Variants in CHI3L2 observed in about 807,000 individuals in gnomAD.
CHI3L2 encodes the protein chitinase 3 like 2.
CHI3L2 carries 47 observed loss-of-function variants against 47.3 expected under a neutral mutation model. That is an observed-to-expected ratio of 0.99 (90% CI 0.79 to 1.27). The LOEUF (loss-of-function observed/expected upper bound fraction) is 1.27. Ranked by LOEUF, CHI3L2 falls within the 50% of genes most tolerant of loss-of-function variation. The pLI is 0.00. For missense variants in CHI3L2, 497 were observed against 462.1 expected (o/e 1.08, Z -0.69); for synonymous variants, 198 against 169.9 (o/e 1.17, Z -1.28).
chr1:111,236,030 G>A lies in CHI3L2; in HGVS notation c.612G>A (p.Leu204=), dbSNP rs765588007. The part of the protein sequence containing the change: ...SYQVEKLAKD[L]DFINLLSFDF... ...ATTGCTTTTGGCACTTTAGAGATCT[G>A]GATTTCATCAACCTCCTGTCCTTTG... The change falls in exon 7 of 11, where the codon CTG becomes CTA. Residue 204 remains leucine, a synonymous_variant. Coordinates refer to ENST00000369748, the MANE Select transcript of CHI3L2 (RefSeq NM_004000.3). The A allele has an allele frequency of 3.1e-6, 5 of 1,613,998 alleles. No individual in the cohort carries two copies. In the African/African-American group the frequency reaches 6.7e-5, roughly 22 times the overall value.
At chr1:111,237,566 A>C (rs1659921070) in intron 7 of CHI3L2, among the ~76,000 whole-genome samples, 2 of 152,202 alleles carry the variant, frequency 1.3e-5, no homozygotes, top group Non-Finnish European at 2.9e-5. Flanking sequence ...CATGTGGCTA[A>C]GTCACATCAG....
chr1:111,227,710 A>T (rs1224766810), upstream of CHI3L2: 20 of 1,613,902 alleles, frequency 1.2e-5, no homozygotes, highest in Non-Finnish European at 1.7e-5. Context: ...TGTGTATCCC[A>T]GAAGAAGCTG....
Position 111,243,230 on chromosome 1 carries a change from A to G in CHI3L2, c.*16A>G. 1 of 456,062 alleles carries G rather than the reference A, an allele frequency of 2.2e-6. No individual in the cohort carries two copies. Among genetic ancestry groups the G allele is most frequent in the Non-Finnish European group, 4.4e-6 (1 of 226,794 alleles). 28.3% of individuals were successfully genotyped at this position (456,062 alleles called of 1,614,324 possible). A position where few individuals can be genotyped will look rare whatever the true frequency, so the allele number is the denominator to read the frequency against. On this transcript the variant is annotated 3_prime_UTR_variant, in exon 11 of 11. Transcript: ENST00000369748. Reference sequence around the variant, plus strand: ...TTTTGTTTCCAGGATTAACTTACAGAGAAGCAGGCAAGATGACCTTGCTGC... The same window carrying G: ...TTTTGTTTCCAGGATTAACTTACAGGGAAGCAGGCAAGATGACCTTGCTGC...
chr1:111,242,522 C>A (rs902766360), intron 10 of CHI3L2, 156 bp downstream of exon 10: 13 of 650,982 alleles, frequency 2.0e-5, no homozygotes, highest in Non-Finnish European at 2.8e-5. Context: ...CTGGTTCTGC[C>A]CTTTTCATAG....
In CHI3L2 at chr1:111,232,942, A is replaced by G. The variant is rs577955032; in HGVS notation, c.329+1648A>G. 2.0e-5 allele frequency among the ~76,000 whole-genome samples: 3 copies of G among 152,348 alleles called. No homozygotes were observed. The East Asian group carries it at 5.8e-4, about 29-fold the overall frequency. ...TCTTGCTATCTCTTCAACTTCAAAG[A>G]TGAGATACATGCAGGAATCAAAATC... On this transcript the variant is annotated intron_variant, in intron 4 of 10. Transcript: ENST00000369748.
intron 4 of CHI3L2, among the ~76,000 whole-genome samples, chr1:111,233,779 A>G (rs1278943598): frequency 6.6e-6 from 1 of 151,912 alleles, no homozygotes; most frequent in African/African-American, 2.4e-5. Context: ...AGATTGAGAA[A>G]TCGGATGGTT....
At chr1:111,231,500 A>G (rs112519536) in intron 4 of CHI3L2, 2 of 505,170 alleles carry the variant, frequency 4.0e-6, no homozygotes, top group Admixed American at 3.7e-5. Flanking sequence ...GGAGCTTAAT[A>G]CAAGCCCAGA....
intron 5 of CHI3L2, among the ~76,000 whole-genome samples, 199 bp downstream of exon 5, chr1:111,235,256 C>T (rs536771436): frequency 2.6e-5 from 4 of 152,300 alleles, no homozygotes; most frequent in African/African-American, 9.6e-5. Context: ...AACAGTGGAG[C>T]CCCCTTGCAC....
intron 7 of CHI3L2, 82 bp downstream of exon 7, chr1:111,236,235 G>A (rs185202010): frequency 2.1e-6 from 3 of 1,454,068 alleles, no homozygotes; most frequent in Non-Finnish European, 2.8e-6. Context: ...AGTTACTTCT[G>A]TCTTGAACTG....
chr1:111,234,910 C>T lies in CHI3L2; in HGVS notation c.333C>T (p.Phe111=). The T allele has an allele frequency of 6.2e-7, 1 of 1,613,896 alleles. No individual in the cohort carries two copies. The highest frequency in any genetic ancestry group is 8.5e-7 in the Non-Finnish European group (1 of 1,179,870). The change falls in exon 5 of 11, where the codon TTC becomes TTT. Residue 111 remains phenylalanine (F), a synonymous_variant. Coordinates refer to ENST00000369748, the MANE Select transcript of CHI3L2 (RefSeq NM_004000.3). ...IGGYLFGSKG[F]HPMVDSSTSR... ...CACTCGTATTGCTTCTTTCCAGGTT[C>T]CACCCTATGGTGGATTCTTCTACAT...
chr1:111,238,220 T>A (rs1036317525), intron 7 of CHI3L2, among the ~76,000 whole-genome samples: 7 of 152,372 alleles, frequency 4.6e-5, no homozygotes, highest in African/African-American at 1.7e-4. Flanking sequence ...TGGGCACATG[T>A]CCTCAGGATC....
chr1:111,234,551 C>G lies in CHI3L2; in HGVS notation c.330-356C>G, dbSNP rs557432215. On this transcript the variant is annotated intron_variant, in intron 4 of 10. Coordinates refer to ENST00000369748, the MANE Select transcript of CHI3L2 (RefSeq NM_004000.3). ...CTAAACTGACCTAGCAGGACTTTTT[C>G]TGGAATCGGACACTGCAAAGACAGA... Among the ~76,000 whole-genome samples the G allele has an allele frequency of 1.4e-3, 211 of 152,254 alleles. 4 individuals are homozygous for G. The highest frequency in any genetic ancestry group is 0.014 in the Admixed American group (209 of 15,300).
intron 9 of CHI3L2, among the ~76,000 whole-genome samples, chr1:111,241,826 G>A (rs899740534): frequency 6.6e-6 from 1 of 152,196 alleles, no homozygotes; most frequent in African/African-American, 2.4e-5. Context: ...CTAGCTAGGA[G>A]GCTCCAGATT....
In CHI3L2 at chr1:111,235,624, C is replaced by A. The variant is rs760935427; in HGVS notation, c.481-15C>A. 6.2e-7 allele frequency: 1 copy of A among 1,611,396 alleles called. No individual in the cohort carries two copies. Among genetic ancestry groups the A allele is most frequent in the Non-Finnish European group, 8.5e-7 (1 of 1,178,954 alleles). ...GGAAGGGGAATATTGCACCTCGTTT[C>A]TTTGTTTTTCCTAGGAGTTAGCAGA... On this transcript the variant is annotated splice_polypyrimidine_tract_variant and intron_variant, in intron 5 of 10. Coordinates refer to ENST00000369748, the MANE Select transcript of CHI3L2 (RefSeq NM_004000.3).
chr1:111,228,944 G>A (rs1045539071), intron 1 of CHI3L2, among the ~76,000 whole-genome samples: 2 of 152,182 alleles, frequency 1.3e-5, no homozygotes, highest in African/African-American at 4.8e-5. Flanking sequence ...ATGGAGAAGA[G>A]ACTGGGCATA....
Position 111,234,928 on chromosome 1 carries a change from T to C in CHI3L2, c.351T>C (p.Ser117=). Residue 117 remains serine (S), a synonymous_variant, in exon 5 of 11, where the codon TCT becomes TCC. Coordinates refer to ENST00000369748, the MANE Select transcript of CHI3L2 (RefSeq NM_004000.3). ...CCAGGTTCCACCCTATGGTGGATTC[T>C]TCTACATCACGCTTGGAATTCATTA... The part of the protein sequence containing the change: ...GSKGFHPMVD[S]STSRLEFINS... 6.2e-7 allele frequency: 1 copy of C among 1,614,198 alleles called. No individual in the cohort carries two copies. Among genetic ancestry groups the C allele is most frequent in the Non-Finnish European group, 8.5e-7 (1 of 1,180,016 alleles).
Position 111,238,779 on chromosome 1 carries a change from G to A in CHI3L2, c.765G>A (p.Lys255=). The A allele has an allele frequency of 1.9e-6, 3 of 1,613,926 alleles. No homozygotes were observed. The highest frequency in any genetic ancestry group is 2.2e-5 in the South Asian group (2 of 91,030). Reference sequence around the variant, plus strand: ...ATGCTGTGGGGTACTGGATACATAAGGGAATGCCATCAGAGAAGGTGGTCA... The same window carrying A: ...ATGCTGTGGGGTACTGGATACATAAAGGAATGCCATCAGAGAAGGTGGTCA... The part of the protein sequence containing the change: ...VEYAVGYWIH[K]GMPSEKVVMG... Residue 255 remains lysine, a synonymous_variant, in exon 8 of 11, where the codon AAG becomes AAA. Coordinates refer to ENST00000369748, the MANE Select transcript of CHI3L2 (RefSeq NM_004000.3).
At chr1:111,229,408 C>G (rs939485735) in intron 1 of CHI3L2, among the ~76,000 whole-genome samples, 1 of 152,126 alleles carries the variant, frequency 6.6e-6, no homozygotes, top group Non-Finnish European at 1.5e-5. Flanking sequence ...ACAGGCCGGG[C>G]GCGGTGGCTC....
At chr1:111,241,036 T>C (rs532334564) in intron 8 of CHI3L2, among the ~76,000 whole-genome samples, 39 of 152,318 alleles carry the variant, frequency 2.6e-4, no homozygotes, top group African/African-American at 9.4e-4. Flanking sequence ...AATGAAGAAA[T>C]TGGAAGATTT....
Sources: allele counts gnomAD v4.1 joint callset (sites outside exome capture counted in the v4.1 genomes callset), GRCh38; gene constraint gnomAD v4.1.1; transcripts MANE v1.5; gene names NCBI Gene and HGNC (gene_info 2026-07-23, HGNC 2026-07-21).